Variants in LARGE1 observed in about 807,000 individuals in gnomAD.
The protein encoded by LARGE1 is xylosyl- and glucuronyltransferase LARGE1.
Under a neutral mutation model 87.6 loss-of-function variants are expected in LARGE1, and 43 were observed. The ratio of observed to expected loss-of-function variants is 0.49; its 90% CI spans 0.38 to 0.63. The LOEUF (loss-of-function observed/expected upper bound fraction) is 0.63, where lower values mean the gene tolerates loss of function less well. Ranked by LOEUF, LARGE1 falls within the 30% of genes least tolerant of loss-of-function variation. The pLI, the probability that LARGE1 is intolerant of heterozygous loss-of-function variation, is 0.00. For missense variants in LARGE1, 802 were observed against 1,000.2 expected, an observed-to-expected ratio of 0.80 and a Z score of 2.67; for synonymous variants, 434 against 394.6, an observed-to-expected ratio of 1.10 and a Z score of -1.18.
rs936752642 is a variant in LARGE1 at position 33,179,049 on chromosome 22, G to C, written c.1731-12217C>G. ...GGGCAAGAGCATGTGTGTCAGCCCA[G>C]GCCTTGATGTTTCTTCTTATAAAGC... On this transcript the variant is annotated intron_variant, in intron 11 of 11. Coordinates refer to the LARGE1 transcript ENST00000608642. Among the ~76,000 whole-genome samples the C allele has an allele frequency of 4.6e-5, 7 of 152,278 alleles. No homozygotes were observed. In the East Asian group the frequency reaches 5.8e-4, roughly 13 times the overall value.
chr22:33,648,681 G>A (rs2149173692), intron 3 of LARGE1, among the ~76,000 whole-genome samples: 1 of 152,306 alleles, frequency 6.6e-6, no homozygotes, highest in African/African-American at 2.4e-5. Context: ...GAGATATTAA[G>A]TAACAGAAGC....
chr22:33,710,004 A>C (rs1338052207), intron 2 of LARGE1, among the ~76,000 whole-genome samples: 6 of 151,818 alleles, frequency 4.0e-5, no homozygotes, highest in African/African-American at 1.4e-4. Flanking sequence ...AAAAAAAGGA[A>C]AACTTCATCA....
intron 2 of LARGE1, among the ~76,000 whole-genome samples, chr22:33,714,395 A>G (rs2082850622): frequency 6.6e-6 from 1 of 152,124 alleles, no homozygotes; most frequent in Admixed American, 6.5e-5. Flanking sequence ...CCTTACCCTC[A>G]CTAAGCCTGA....
At chr22:33,346,440 C>T (rs1023894338) in intron 9 of LARGE1, among the ~76,000 whole-genome samples, 9 of 152,152 alleles carry the variant, frequency 5.9e-5, no homozygotes, top group African/African-American at 2.2e-4. Context: ...GTAGCTGGGA[C>T]TACAGGCATG....
intron 5 of LARGE1, among the ~76,000 whole-genome samples, chr22:33,591,913 C>T (rs2078850713): frequency 6.7e-6 from 1 of 149,360 alleles, no homozygotes; most frequent in Non-Finnish European, 1.5e-5. Context: ...GTAGTCCCAG[C>T]TACTCTAGAG....
intron 7 of LARGE1, among the ~76,000 whole-genome samples, chr22:33,396,722 C>A (rs759924238): frequency 3.9e-5 from 6 of 152,052 alleles, no homozygotes; most frequent in Non-Finnish European, 8.8e-5. Flanking sequence ...ATGTTCTAGG[C>A]AGACAGGGTG....
chr22:33,497,990 C>T (rs2070229973), intron 6 of LARGE1, among the ~76,000 whole-genome samples: 1 of 152,196 alleles, frequency 6.6e-6, no homozygotes, highest in African/African-American at 2.4e-5. Flanking sequence ...TCAAGCGATT[C>T]TCGTGCCTCA....
At position 33,864,374 on chromosome 22, in the gene LARGE1, C is replaced by T. The variant is rs185690604; in HGVS notation, c.-83+55621G>A. Among the ~76,000 whole-genome samples, 20 of 152,238 alleles carry T rather than the reference C, an allele frequency of 1.3e-4. No homozygotes were observed. In the East Asian group the frequency reaches 3.5e-3, roughly 26 times the overall value. ...TAAATAAATAGCCCAAAGCACAATA[C>T]AGATACTAAGTACATACATGATAAA... On this transcript the variant is annotated intron_variant, in intron 1 of 14. Coordinates refer to ENST00000397394, the MANE Select transcript of LARGE1 (RefSeq NM_133642.5).
chr22:33,479,132 G>A (rs1033145952), intron 6 of LARGE1, among the ~76,000 whole-genome samples: 3 of 152,182 alleles, frequency 2.0e-5, no homozygotes, highest in Admixed American at 6.5e-5. Context: ...CCAAGAGAAA[G>A]GTGCTCTCCA....
Position 33,656,318 on chromosome 22 carries a change from C to A in LARGE1, c.107-5650G>T, listed in dbSNP as rs992425089. Among the ~76,000 whole-genome samples the A allele has an allele frequency of 1.2e-4, 18 of 152,050 alleles. No homozygotes were observed. The East Asian group carries it at 2.5e-3, about 21-fold the overall frequency. ...AGGCAAAAAGAGAATGAGAGTGAAG[C>A]GAAAGGGGTTTCCCTTATAAAACCA... On this transcript the variant is annotated intron_variant, in intron 2 of 14. Transcript: ENST00000397394.
chr22:33,416,381 C>G (rs1189310826), intron 7 of LARGE1, among the ~76,000 whole-genome samples: 5 of 152,210 alleles, frequency 3.3e-5, no homozygotes, highest in Non-Finnish European at 7.3e-5. Flanking sequence ...TCCCCCACTT[C>G]CAGTTCTACC....
intron 10 of LARGE1, among the ~76,000 whole-genome samples, chr22:33,329,835 A>G (rs1191861063): frequency 6.6e-6 from 1 of 152,164 alleles, no homozygotes; most frequent in Non-Finnish European, 1.5e-5. Flanking sequence ...CCTTAGGTGG[A>G]GCAAGACCCT....
At chr22:33,636,702 AT>A (rs1047259764) in intron 3 of LARGE1, among the ~76,000 whole-genome samples, 14 of 148,356 alleles carry the variant, frequency 9.4e-5, no homozygotes, top group Middle Eastern at 3.5e-3. Flanking sequence ...TAAGTTTTGT[AT>A]TTTTTTTTTG....
intron 1 of LARGE1, among the ~76,000 whole-genome samples, chr22:33,784,666 G>A (rs1296012325): frequency 6.6e-6 from 1 of 152,048 alleles, no homozygotes; most frequent in Admixed American, 6.6e-5. Flanking sequence ...GCTTTCAGGA[G>A]ACAGTCACAG....
chr22:33,824,751 G>A (rs1022657944), intron 1 of LARGE1, among the ~76,000 whole-genome samples: 2 of 152,200 alleles, frequency 1.3e-5, no homozygotes, highest in African/African-American at 2.4e-5. Context: ...ATAGTAGCAT[G>A]TAACTCATAG....
At chr22:33,513,410 A>G (rs1271094673) in intron 6 of LARGE1, among the ~76,000 whole-genome samples, 1 of 152,200 alleles carries the variant, frequency 6.6e-6, no homozygotes, top group Non-Finnish European at 1.5e-5. Context: ...TCAGTGCATT[A>G]TTGAGCATAC....
the LARGE1 span, among the ~76,000 whole-genome samples, chr22:33,116,824 T>C: frequency 3.9e-5 from 6 of 152,136 alleles, no homozygotes; most frequent in African/African-American, 1.2e-4. Flanking sequence ...CCTATGTAAG[T>C]CAGAGCTTAG....
chr22:33,105,163 A>ATTTT, the LARGE1 span, among the ~76,000 whole-genome samples: 1 of 145,070 alleles, frequency 6.9e-6, no homozygotes, highest in South Asian at 2.2e-4. Context: ...AAGCCCCGCT[A>ATTTT]TTTTTTTTTT....
chr22:33,866,091 C>T (rs1039414014), intron 1 of LARGE1, among the ~76,000 whole-genome samples: 1 of 151,924 alleles, frequency 6.6e-6, no homozygotes, highest in African/African-American at 2.4e-5. Flanking sequence ...TCAAGCAATC[C>T]TCCTGCCTCA....
Sources: allele counts gnomAD v4.1 joint callset (sites outside exome capture counted in the v4.1 genomes callset), GRCh38; gene constraint gnomAD v4.1.1; transcripts MANE v1.5; gene names NCBI Gene and HGNC (gene_info 2026-07-23, HGNC 2026-07-21).